The following SETD2 variants were observed in gnomAD, a reference collection of about 807,000 sequenced individuals.
SETD2 encodes histone-lysine N-methyltransferase SETD2.
Under a neutral mutation model 242.1 loss-of-function variants are expected in SETD2, and 31 were observed. The ratio of observed to expected loss-of-function variants is 0.13; its 90% CI spans 0.10 to 0.17. The LOEUF is 0.17. Among genes scored for constraint, SETD2 ranks in the 10% least tolerant of loss-of-function variants. The probability of loss-of-function intolerance (pLI) is 1.00; values close to 1 mark genes in which losing one functional copy is unlikely to be tolerated. For synonymous variants in SETD2, 1,006 were observed against 1,066.5 expected (o/e 0.94, Z 1.11); for missense variants, 2,481 against 3,046.3 (o/e 0.81, Z 4.37).
chr3:47,147,789 G>A (rs1246945209), intron 1 of SETD2, among the ~76,000 whole-genome samples: 1 of 151,500 alleles, frequency 6.6e-6, no homozygotes, highest in East Asian at 2.0e-4. Flanking sequence ...CGGGCAAGGT[G>A]GTGGGCGCCT....
chr3:47,163,271 G>A (rs1697555116), intron 1 of SETD2, among the ~76,000 whole-genome samples: 1 of 152,240 alleles, frequency 6.6e-6, no homozygotes, highest in Non-Finnish European at 1.5e-5. Context: ...CGAGTTCCCA[G>A]GAGGAAAAAA....
Position 47,062,240 on chromosome 3 carries a change from T to G in SETD2, c.6216A>C (p.Lys2072Asn). The G allele has an allele frequency of 6.2e-7, 1 of 1,614,172 alleles. No individual in the cohort carries two copies. The highest frequency in any genetic ancestry group is 8.5e-7 in the Non-Finnish European group (1 of 1,180,018). ...GGGAGCTTCTTCGTTTCCTTTTCTC[T>G]TTATTTTGAGTTTGCTTGTCTGGGT... ...ERDPDKQTQNKEKRKRRSSLS... is the reference protein window; with the variant it reads ...ERDPDKQTQNNEKRKRRSSLS... The change falls in exon 14 of 21, where the codon AAA (lysine) becomes AAC (asparagine). Residue 2072 changes from lysine to asparagine, a missense_variant. By Grantham distance (94) the Lys-to-Asn change is moderately conservative. This residue lies in a region of SETD2 where 80 missense variants were observed against 102.6 expected (regional missense o/e 0.78). Coordinates refer to ENST00000409792, the MANE Select transcript of SETD2 (RefSeq NM_014159.7).
At chr3:47,055,404 A>G (rs1253284432) in intron 15 of SETD2, among the ~76,000 whole-genome samples, 1 of 152,016 alleles carries the variant, frequency 6.6e-6, no homozygotes, top group Non-Finnish European at 1.5e-5. Flanking sequence ...TTTTTTTTTC[A>G]AAGCTTTAAA....
rs772972330 is a variant in SETD2, at chr3:47,057,415, C to T, written c.6369G>A (p.Lys2123=). ...GTTGAGCCACCTCTTGCTCAAACAA[C>T]TTCCGGCGTTCCTCTGTAGAAAGTT... ...RNKLSTEERR[K]LFEQEVAQRE... The change falls in exon 15 of 21, where the codon AAG becomes AAA. Residue 2123 remains lysine, a synonymous_variant. Transcript: ENST00000409792. The T allele has an allele frequency of 1.2e-6, 2 of 1,614,120 alleles. No individual in the cohort carries two copies. The highest frequency in any genetic ancestry group is 1.3e-5 in the African/African-American group (1 of 74,934).
At position 47,121,888 on chromosome 3, in the gene SETD2, T is replaced by C. The variant is rs2106663340; in HGVS notation, c.2748A>G (p.Lys916=). 1 of 1,614,000 alleles carries C rather than the reference T, an allele frequency of 6.2e-7. No homozygotes were observed. The highest frequency in any genetic ancestry group is 1.3e-5 in the African/African-American group (1 of 75,042). ...CTGCATGCTTTAAAAACTCTGAACT[T>C]TTTTTACTCTTTAGCACTGCATCCA... The part of the protein sequence containing the change: ...PVLDAVLKSK[K]SSEFLKHAGK... The change falls in exon 3 of 21, where the codon AAA becomes AAG. Residue 916 remains lysine (K), a synonymous_variant. Transcript: ENST00000409792.
At chr3:47,065,783 G>C (rs1451325557) in intron 13 of SETD2, among the ~76,000 whole-genome samples, 3 of 152,154 alleles carry the variant, frequency 2.0e-5, no homozygotes, top group African/African-American at 7.2e-5. Context: ...CAGCCTGCAT[G>C]ACAGAATAAG....
At chr3:47,158,838 AGTTT>A (rs1307424823) in intron 1 of SETD2, among the ~76,000 whole-genome samples, 1 of 152,226 alleles carries the variant, frequency 6.6e-6, no homozygotes, top group Non-Finnish European at 1.5e-5. Flanking sequence ...ATACTACTGT[AGTTT>A]GTTATTTATA....
chr3:47,114,054 C>A (rs2107720509), intron 4 of SETD2, 50 bp from the exon 5 acceptor site: 1 of 1,571,142 alleles, frequency 6.4e-7, no homozygotes, highest in Non-Finnish European at 8.6e-7. Context: ...GCAAAAGAAC[C>A]AAAGTAACTT....
In SETD2 at chr3:47,088,209, C is replaced by T. The variant is rs2107651578; in HGVS notation, c.5181G>A (p.Glu1727=). The change falls in exon 10 of 21, where the codon GAG becomes GAA. Residue 1727 remains glutamate (E), a synonymous_variant. Coordinates refer to ENST00000409792, the MANE Select transcript of SETD2 (RefSeq NM_014159.7). ...GELEALMENG[E]GLSDKNQVLS... ...GCACCTGGTTTTTATCAGAGAGACC[C>T]TCACCATTTTCCATCAGAGCTTCTA... The T allele has an allele frequency of 6.2e-7, 1 of 1,613,562 alleles. No individual in the cohort carries two copies. Among genetic ancestry groups the T allele is most frequent in the African/African-American group, 1.3e-5 (1 of 74,924 alleles).
At chr3:47,117,574 T>TA (rs1210142266) in intron 3 of SETD2, among the ~76,000 whole-genome samples, 1 of 152,186 alleles carries the variant, frequency 6.6e-6, no homozygotes, top group East Asian at 1.9e-4. Flanking sequence ...AAGGGGTTTC[T>TA]AAAAAAATAA....
At chr3:47,090,914 G>C (rs1228642707) in intron 9 of SETD2, among the ~76,000 whole-genome samples, 1 of 151,946 alleles carries the variant, frequency 6.6e-6, no homozygotes, top group Non-Finnish European at 1.5e-5. Flanking sequence ...TATAATTTCA[G>C]GCAAGGCACT....
chr3:47,104,310 G>A (rs746204135), intron 6 of SETD2, among the ~76,000 whole-genome samples: 2 of 152,106 alleles, frequency 1.3e-5, no homozygotes, highest in African/African-American at 2.4e-5. Context: ...GGGAAGTTGA[G>A]GCAGGAGGAT....
At chr3:47,067,171 T>G in intron 12 of SETD2, 53 bp from the exon 13 acceptor site, 1 of 1,327,418 alleles carries the variant, frequency 7.5e-7, no homozygotes, top group Non-Finnish European at 1.1e-6. Context: ...AAATGGTGAT[T>G]GCTTTGAAAC....
intron 15 of SETD2, among the ~76,000 whole-genome samples, chr3:47,052,764 C>T (rs1233197193): frequency 6.6e-6 from 1 of 151,806 alleles, no homozygotes; most frequent in Non-Finnish European, 1.5e-5. Flanking sequence ...TGCAATGAGT[C>T]GAGATTGCAC....
At position 47,122,349 on chromosome 3, in the gene SETD2, T is replaced by C. The variant is rs1427956806; in HGVS notation, c.2287A>G (p.Met763Val). Residue 763 changes from methionine to valine, a missense_variant, in exon 3 of 21, where the codon ATG becomes GTG. Around this residue, in one of 17 missense-constraint regions of SETD2, gnomAD observed 1,300 missense variants for 1,259.2 expected, o/e 1.03. Transcript: ENST00000409792. ...GAATAATCCACAGTCATAACTGGCA[T>C]AGACATGAGTTTATCTTGGTGTGGT... ...VSPHQDKLMS[M>V]PVMTVDYSKT... 18 of 1,614,192 alleles carry C rather than the reference T, an allele frequency of 1.1e-5. No individual in the cohort carries two copies. The highest frequency in any genetic ancestry group is 1.4e-5 in the Non-Finnish European group (17 of 1,180,004).
intron 1 of SETD2, among the ~76,000 whole-genome samples, chr3:47,147,192 T>A (rs1219207007): frequency 1.3e-5 from 2 of 151,890 alleles, no homozygotes; most frequent in African/African-American, 4.8e-5. Context: ...TTTGTATTTT[T>A]AGTAGAGACA....
chr3:47,036,062 C>T (rs1396709516), intron 18 of SETD2, among the ~76,000 whole-genome samples: 1 of 152,158 alleles, frequency 6.6e-6, no homozygotes, highest in Non-Finnish European at 1.5e-5. Flanking sequence ...AAAATATTTC[C>T]TCCAAAAGTG....
At chr3:47,034,306 G>A (rs1053091456) in intron 18 of SETD2, among the ~76,000 whole-genome samples, 1 of 152,130 alleles carries the variant, frequency 6.6e-6, no homozygotes, top group East Asian at 1.9e-4. Flanking sequence ...GTATTAGGAG[G>A]AATGTTTTCT....
intron 17 of SETD2, chr3:47,041,461 G>A (rs1167948232): frequency 9.8e-6 from 3 of 307,150 alleles, no homozygotes; most frequent in Non-Finnish European, 2.0e-5. Flanking sequence ...GATCAGTCTG[G>A]GCAACAAAGA....
Sources: allele counts gnomAD v4.1 joint callset (sites outside exome capture counted in the v4.1 genomes callset), GRCh38; gene constraint gnomAD v4.1.1; regional missense constraint gnomAD v4.1.1; transcripts MANE v1.5; gene names NCBI Gene and HGNC (gene_info 2026-07-23, HGNC 2026-07-21).